The following DNER variants were observed in gnomAD, a reference collection of about 807,000 sequenced individuals.
DNER encodes delta/notch like EGF repeat containing.
A neutral mutation model predicts 78.2 loss-of-function variants in DNER; 33 were observed. The ratio of observed to expected loss-of-function variants is 0.42; its 90% CI spans 0.32 to 0.56. The LOEUF (loss-of-function observed/expected upper bound fraction) is 0.56, where lower values mean the gene tolerates loss of function less well. Ranked by LOEUF, DNER falls within the 20% of genes least tolerant of loss-of-function variation. The probability of loss-of-function intolerance (pLI) is 0.11; values close to 1 mark genes in which losing one functional copy is unlikely to be tolerated. For synonymous variants in DNER, 417 were observed against 384.8 expected (o/e 1.08, Z -0.98); for missense variants, 918 against 975.3 (o/e 0.94, Z 0.78).
chr2:229,626,949 G>A (rs1698355382), intron 1 of DNER, among the ~76,000 whole-genome samples: 1 of 152,196 alleles, frequency 6.6e-6, no homozygotes, highest in Non-Finnish European at 1.5e-5. Flanking sequence ...AGATCATGGG[G>A]TCGAACCCTG....
Position 229,588,504 on chromosome 2 carries a change from A to AG in DNER, c.586-17_586-16insC, listed in dbSNP as rs780409553. 4 of 1,609,290 alleles carry AG rather than the reference A, an allele frequency of 2.5e-6. No individual in the cohort carries two copies. Among genetic ancestry groups the AG allele is most frequent in the Admixed American group, 1.7e-5 (1 of 59,676 alleles). On this transcript the variant is annotated splice_polypyrimidine_tract_variant and intron_variant, in intron 2 of 12. Transcript: ENST00000341772. ...CTGGGATCACCTGGGAAGGGAAAAA[A>AG]AAAACGACATATGATTGGGGTTGTT...
At chr2:229,705,235 A>G (rs1030748386) in intron 1 of DNER, among the ~76,000 whole-genome samples, 1 of 152,222 alleles carries the variant, frequency 6.6e-6, no homozygotes. Context: ...TCCGAAACCC[A>G]AAATGTAATT....
chr2:229,510,030 GTAGTTACC>G (rs1695832428), intron 6 of DNER, among the ~76,000 whole-genome samples: 2 of 152,112 alleles, frequency 1.3e-5, no homozygotes, highest in Non-Finnish European at 2.9e-5. Context: ...AGATCTGGGA[GTAGTTACC>G]CAAGCAAAAA....
chr2:229,681,518 C>T (rs59313011), intron 1 of DNER, among the ~76,000 whole-genome samples: 1 of 152,198 alleles, frequency 6.6e-6, no homozygotes, highest in East Asian at 1.9e-4. Flanking sequence ...TCCAAACTCA[C>T]AAAATAGTTT....
At chr2:229,627,971 G>A (rs903304738) in intron 1 of DNER, among the ~76,000 whole-genome samples, 11 of 152,190 alleles carry the variant, frequency 7.2e-5, no homozygotes, top group African/African-American at 2.4e-4. Flanking sequence ...TTCCAATCAG[G>A]AGGTAGAGTC....
chr2:229,403,517 T>C (rs940006743), intron 10 of DNER, among the ~76,000 whole-genome samples: 3 of 152,142 alleles, frequency 2.0e-5, no homozygotes, highest in African/African-American at 4.8e-5. Context: ...AGTTTTCTGT[T>C]AAACGCATTA....
intron 7 of DNER, among the ~76,000 whole-genome samples, chr2:229,456,029 A>AT (rs1559356433): frequency 1.3e-5 from 2 of 152,068 alleles, no homozygotes; most frequent in African/African-American, 4.8e-5. Flanking sequence ...ATATTAGTCC[A>AT]TTTTTGCATT....
At chr2:229,544,539 A>G (rs1309715259) in intron 5 of DNER, among the ~76,000 whole-genome samples, 1 of 151,268 alleles carries the variant, frequency 6.6e-6, no homozygotes, top group East Asian at 1.9e-4. Context: ...TATTTTATTT[A>G]TTTATTTTTT....
At chr2:229,532,409 C>T (rs1309493394) in intron 5 of DNER, among the ~76,000 whole-genome samples, 2 of 152,182 alleles carry the variant, frequency 1.3e-5, no homozygotes, top group Non-Finnish European at 1.5e-5. Context: ...GAAGCAAAAG[C>T]CTTTCTTTTG....
chr2:229,655,362 A>T (rs1213662997), intron 1 of DNER, among the ~76,000 whole-genome samples: 2 of 152,204 alleles, frequency 1.3e-5, no homozygotes, highest in Non-Finnish European at 2.9e-5. Context: ...GATAACTAAG[A>T]CCAGAAAAGC....
At position 229,395,982 on chromosome 2, in the gene DNER, G is replaced by T. The variant is rs142050835; in HGVS notation, c.1724-7586C>A. On this transcript the variant is annotated intron_variant, in intron 10 of 12. Transcript: ENST00000341772. ...AGAAGACACTTTTCCTGGCAATCTT[G>T]TTTTCAGATAACAATGGCAGCCTAA... is the stretch of plus-strand genomic sequence containing the variant. 3.4e-3 allele frequency among the ~76,000 whole-genome samples: 517 copies of T among 152,194 alleles called. 2 individuals are homozygous for T. Among genetic ancestry groups the T allele is most frequent in the South Asian group, 0.011 (53 of 4,816 alleles).
chr2:229,672,362 G>T (rs1179712960), intron 1 of DNER, among the ~76,000 whole-genome samples: 1 of 151,964 alleles, frequency 6.6e-6, no homozygotes, highest in Non-Finnish European at 1.5e-5. Flanking sequence ...TGAGATGGAA[G>T]CTCAGGGCTC....
chr2:229,649,728 G>C (rs1698778122), intron 1 of DNER, among the ~76,000 whole-genome samples: 1 of 152,240 alleles, frequency 6.6e-6, no homozygotes, highest in East Asian at 1.9e-4. Context: ...ATATACAGTG[G>C]ATGAGAATTA....
chr2:229,704,707 G>A (rs1378739161), intron 1 of DNER, among the ~76,000 whole-genome samples: 1 of 152,260 alleles, frequency 6.6e-6, no homozygotes, highest in African/African-American at 2.4e-5. Flanking sequence ...GAAATGTATA[G>A]GGATGATTGC....
chr2:229,428,232 C>A (rs753135134), intron 8 of DNER, among the ~76,000 whole-genome samples: 1 of 151,984 alleles, frequency 6.6e-6, no homozygotes, highest in Non-Finnish European at 1.5e-5. Context: ...GGGGATAAGA[C>A]CTGCAAGAAT....
Position 229,671,463 on chromosome 2 carries a change from G to T in DNER, c.276+42685C>A, listed in dbSNP as rs10182640. Among the ~76,000 whole-genome samples, 632 of 152,112 alleles carry T rather than the reference G, an allele frequency of 4.2e-3. 3 individuals carry two copies. Among genetic ancestry groups the T allele is most frequent in the African/African-American group, 0.014 (577 of 41,498 alleles). ...ATGTCATCACTTCCTTTAATTGTCC[G>T]CACAGCACTTCTCACTACCTGCTAT... is the stretch of plus-strand genomic sequence containing the variant. On this transcript the variant is annotated intron_variant, in intron 1 of 12. Coordinates refer to ENST00000341772, the MANE Select transcript of DNER (RefSeq NM_139072.4).
At chr2:229,419,894 A>T (rs142804280) in intron 8 of DNER, among the ~76,000 whole-genome samples, 74 of 148,460 alleles carry the variant, frequency 5.0e-4, no homozygotes, top group Middle Eastern at 3.4e-3. Context: ...TCACAACTGG[A>T]GGCAGGGGGA....
intron 3 of DNER, among the ~76,000 whole-genome samples, chr2:229,586,398 C>A (rs1697495036): frequency 6.6e-6 from 1 of 150,560 alleles, no homozygotes; most frequent in South Asian, 2.1e-4. Context: ...CCAAAATAAG[C>A]AAAAGTGTGT....
Position 229,474,801 on chromosome 2 carries a change from C to T in DNER, c.1261+2339G>A, listed in dbSNP as rs528752544. Among the ~76,000 whole-genome samples, 6 of 152,288 alleles carry T rather than the reference C, an allele frequency of 3.9e-5. No individual in the cohort carries two copies. In the East Asian group the frequency reaches 9.7e-4, roughly 25 times the overall value. ...CCCTCCCTCACCTCCCACCACCTTG[C>T]TCCTTCTCAGGCCTCCTCCATTTTC... On this transcript the variant is annotated intron_variant, in intron 7 of 12. Transcript: ENST00000341772.
Sources: gnomAD v4.1 joint callset for allele counts (sites outside exome capture counted in the v4.1 genomes callset) on GRCh38, gnomAD v4.1.1 for gene constraint, MANE v1.5 for transcripts, NCBI Gene and HGNC (gene_info 2026-07-23, HGNC 2026-07-21) for gene names.